Variants in DPYD observed in about 807,000 individuals in gnomAD.
DPYD encodes the protein dihydropyrimidine dehydrogenase [NADP(+)].
DPYD carries 109 observed loss-of-function variants against 116.2 expected under a neutral mutation model. The ratio of observed to expected loss-of-function variants is 0.94; its 90% CI spans 0.80 to 1.10. DPYD has a LOEUF of 1.10. Among genes scored for constraint, DPYD ranks in the 50% least tolerant of loss-of-function variants. DPYD has a pLI of 0.00. For synonymous variants in DPYD, 440 were observed against 432.0 expected, an observed-to-expected ratio of 1.02 and a Z score of -0.23; for missense variants, 1,302 against 1,254.5, an observed-to-expected ratio of 1.04 and a Z score of -0.57.
At chr1:97,759,136 C>T (rs1243091360) in intron 3 of DPYD, among the ~76,000 whole-genome samples, 2 of 152,130 alleles carry the variant, frequency 1.3e-5, no homozygotes, top group African/African-American at 4.8e-5. Context: ...AATTTTTTGG[C>T]TTGTGTTTTG....
At chr1:97,157,281 AT>A (rs199893375) in intron 20 of DPYD, among the ~76,000 whole-genome samples, 1,738 of 152,168 alleles carry the variant, frequency 0.011, 30 homozygotes, top group African/African-American at 0.039. Context: ...ATAAAATAAA[AT>A]TAAAAAAACC....
At chr1:97,338,551 G>A (rs1570553633) in intron 16 of DPYD, among the ~76,000 whole-genome samples, 1 of 152,186 alleles carries the variant, frequency 6.6e-6, no homozygotes, top group South Asian at 2.1e-4. Context: ...TCCTTCAGGA[G>A]GTTGCCTCAT....
intron 18 of DPYD, among the ~76,000 whole-genome samples, chr1:97,236,264 G>A (rs922580257): frequency 6.6e-6 from 1 of 152,118 alleles, no homozygotes; most frequent in African/African-American, 2.4e-5. Context: ...TCAGCCTCAC[G>A]TGGTGAGTTC....
chr1:97,852,035 A>G lies in DPYD; in HGVS notation c.151-23839T>C, dbSNP rs190025522. On this transcript the variant is annotated intron_variant, in intron 2 of 22. Transcript: ENST00000370192. Reference sequence around the variant, plus strand: ...ACTGTGCAATTTACAAAAAAAAAAAAAAAGAAAGAAAGAAAAAGAAAGTGC... The same window carrying G: ...ACTGTGCAATTTACAAAAAAAAAAAGAAAGAAAGAAAGAAAAAGAAAGTGC... Among the ~76,000 whole-genome samples, 594 of 151,430 alleles carry G rather than the reference A, an allele frequency of 3.9e-3. 8 individuals carry two copies. Among genetic ancestry groups the G allele is most frequent in the African/African-American group, 0.014 (567 of 41,278 alleles).
chr1:97,332,258 A>AT (rs879169338), intron 16 of DPYD, among the ~76,000 whole-genome samples: 4 of 152,180 alleles, frequency 2.6e-5, no homozygotes, highest in Admixed American at 2.6e-4. Flanking sequence ...CTGTTTTACA[A>AT]TTTAACTACT....
At chr1:97,362,943 A>C (rs1018034045) in intron 16 of DPYD, among the ~76,000 whole-genome samples, 1 of 152,244 alleles carries the variant, frequency 6.6e-6, no homozygotes, top group African/African-American at 2.4e-5. Context: ...AGAAGGCAAA[A>C]TTGACAAATG....
chr1:97,364,147 A>C (rs1670904001), intron 16 of DPYD, among the ~76,000 whole-genome samples: 1 of 152,192 alleles, frequency 6.6e-6, no homozygotes, highest in African/African-American at 2.4e-5. Flanking sequence ...TTACAGGAAA[A>C]ACAGGAGTGC....
intron 16 of DPYD, among the ~76,000 whole-genome samples, chr1:97,363,877 C>G (rs947006770): frequency 6.6e-6 from 1 of 152,164 alleles, no homozygotes; most frequent in African/African-American, 2.4e-5. Context: ...GTGCAGCAAA[C>G]CAACATGGCA....
intron 3 of DPYD, among the ~76,000 whole-genome samples, chr1:97,787,920 G>A (rs1667125451): frequency 6.6e-6 from 1 of 152,154 alleles, no homozygotes; most frequent in Non-Finnish European, 1.5e-5. Context: ...TAGTAATAAA[G>A]CTTCCTCTAG....
intron 1 of DPYD, among the ~76,000 whole-genome samples, chr1:97,905,183 C>A (rs1382264125): frequency 1.3e-5 from 2 of 151,962 alleles, no homozygotes; most frequent in Non-Finnish European, 2.9e-5. Flanking sequence ...ATTATAATTA[C>A]CCAATATGCA....
At chr1:97,686,494 G>A (rs371275916) in intron 7 of DPYD, among the ~76,000 whole-genome samples, 10 of 151,478 alleles carry the variant, frequency 6.6e-5, no homozygotes, top group East Asian at 3.9e-4. Flanking sequence ...AAAATTAGCC[G>A]GGCGTGGTAG....
intron 19 of DPYD, among the ~76,000 whole-genome samples, chr1:97,213,387 C>A (rs1391435422): frequency 6.6e-6 from 1 of 152,094 alleles, no homozygotes; most frequent in African/African-American, 2.4e-5. Context: ...AAAGTGACAA[C>A]ATACTTAACC....
At chr1:97,782,243 C>G (rs1177989590) in intron 3 of DPYD, among the ~76,000 whole-genome samples, 1 of 152,198 alleles carries the variant, frequency 6.6e-6, no homozygotes, top group Non-Finnish European at 1.5e-5. Context: ...GCCTGGTTCA[C>G]TTCACATTAC....
At chr1:97,379,470 A>G (rs1013303828) in intron 15 of DPYD, among the ~76,000 whole-genome samples, 10 of 152,150 alleles carry the variant, frequency 6.6e-5, no homozygotes, top group Non-Finnish European at 1.0e-4. Flanking sequence ...GAATTTTGCC[A>G]CTAGTTAAAG....
chr1:97,532,238 G>T (rs1456841667), intron 12 of DPYD, among the ~76,000 whole-genome samples: 3 of 151,920 alleles, frequency 2.0e-5, no homozygotes, highest in Non-Finnish European at 4.4e-5. Flanking sequence ...AGATTTATAG[G>T]TCATAGAATA....
intron 12 of DPYD, among the ~76,000 whole-genome samples, chr1:97,525,370 G>C (rs1648977312): frequency 1.3e-5 from 2 of 151,106 alleles, no homozygotes; most frequent in Non-Finnish European, 2.9e-5. Context: ...AAACAGAAAA[G>C]AAAGAAAGAA....
chr1:97,663,030 A>C (rs1659356901), intron 8 of DPYD, among the ~76,000 whole-genome samples: 1 of 152,080 alleles, frequency 6.6e-6, no homozygotes, highest in Non-Finnish European at 1.5e-5. Flanking sequence ...TATTTCTATT[A>C]CTCCCAACAA....
intron 6 of DPYD, among the ~76,000 whole-genome samples, chr1:97,692,660 G>T (rs192916387): frequency 6.6e-6 from 1 of 152,294 alleles, no homozygotes; most frequent in Admixed American, 6.5e-5. Flanking sequence ...AAGCTGCAAT[G>T]ATTTGATGGT....
intron 8 of DPYD, among the ~76,000 whole-genome samples, chr1:97,675,995 C>T (rs1432342674): frequency 4.6e-5 from 7 of 152,096 alleles, no homozygotes; most frequent in Admixed American, 3.3e-4. Context: ...GATCCACCCG[C>T]CTCGGCCTCC....
Sources: gnomAD v4.1 joint callset for allele counts (sites outside exome capture counted in the v4.1 genomes callset) on GRCh38, gnomAD v4.1.1 for gene constraint, MANE v1.5 for transcripts, NCBI Gene and HGNC (gene_info 2026-07-23, HGNC 2026-07-21) for gene names.